The following KRAS variants were observed in gnomAD, a reference collection of about 807,000 sequenced individuals.
The protein encoded by KRAS is KRas proto-oncogene, GTPase.
Under a neutral mutation model 21.0 loss-of-function variants are expected in KRAS, and 1 was observed. The observed-to-expected ratio is 0.05, with a 90% confidence interval of 0.02 to 0.23. KRAS has a LOEUF of 0.23. Ranked by LOEUF, KRAS falls within the 10% of genes least tolerant of loss-of-function variation. The pLI is 1.00. For synonymous variants in KRAS, 67 were observed against 72.5 expected (o/e 0.92, Z 0.39); for missense variants, 107 against 221.8 (o/e 0.48, Z 3.29).
At chr12:25,248,365 G>A (rs1478480907) in intron 1 of KRAS, among the ~76,000 whole-genome samples, 1 of 152,084 alleles carries the variant, frequency 6.6e-6, no homozygotes, top group Non-Finnish European at 1.5e-5. Flanking sequence ...CGGGAGAATC[G>A]CTTGAGCCTG....
chr12:25,225,331 T>A, intron 4 of KRAS: 1 of 143,426 alleles, frequency 7.0e-6, no homozygotes, highest in Non-Finnish European at 1.4e-5. Flanking sequence ...TATATATATA[T>A]ATATGTAACC....
At chr12:25,231,453 T>C (rs1317886017) in intron 2 of KRAS, among the ~76,000 whole-genome samples, 2 of 152,164 alleles carry the variant, frequency 1.3e-5, no homozygotes, top group Non-Finnish European at 2.9e-5. Context: ...AATCCAAAAA[T>C]ACTTCTAGGT....
chr12:25,228,378 C>T (rs1439265830), intron 2 of KRAS, among the ~76,000 whole-genome samples: 2 of 149,788 alleles, frequency 1.3e-5, no homozygotes, highest in Non-Finnish European at 3.0e-5. Context: ...ATTCCAAAAT[C>T]CAAAAAAAAA....
At chr12:25,247,071 AGTT>A (rs1192158578) in intron 1 of KRAS, among the ~76,000 whole-genome samples, 3 of 152,204 alleles carry the variant, frequency 2.0e-5, no homozygotes, top group Admixed American at 6.5e-5. Flanking sequence ...TTTTTTAGTT[AGTT>A]GTTTCAAATT....
intron 4 of KRAS, among the ~76,000 whole-genome samples, chr12:25,214,799 G>C (rs1033554995): frequency 2.6e-5 from 4 of 152,180 alleles, no homozygotes; most frequent in Non-Finnish European, 5.9e-5. Context: ...ATAGGGGCCT[G>C]AACTAATGAT....
chr12:25,232,426 ATAT>A (rs1305626287), intron 2 of KRAS, among the ~76,000 whole-genome samples: 2 of 152,162 alleles, frequency 1.3e-5, no homozygotes, highest in East Asian at 1.9e-4. Context: ...TTCTCAACAA[ATAT>A]TATTTATTCT....
chr12:25,219,901 A>AG (rs1951300676), intron 4 of KRAS, among the ~76,000 whole-genome samples: 1 of 150,324 alleles, frequency 6.7e-6, no homozygotes, highest in Non-Finnish European at 1.5e-5. Flanking sequence ...AGCATTCTTT[A>AG]ACGGGGTTCT....
intron 4 of KRAS, among the ~76,000 whole-genome samples, chr12:25,222,247 G>C (rs1016108316): frequency 1.1e-4 from 17 of 151,860 alleles, no homozygotes; most frequent in African/African-American, 4.1e-4. Flanking sequence ...CAGAAAGGAG[G>C]ACTTGACATT....
chr12:25,228,137 G>A (rs1182168943), intron 2 of KRAS, among the ~76,000 whole-genome samples: 1 of 148,558 alleles, frequency 6.7e-6, no homozygotes, highest in East Asian at 2.0e-4. Context: ...AAAAGGAAAT[G>A]CTCACTGGAG....
chr12:25,211,734 A>G (rs1285304866), intron 4 of KRAS, among the ~76,000 whole-genome samples: 1 of 152,222 alleles, frequency 6.6e-6, no homozygotes, highest in East Asian at 1.9e-4. Flanking sequence ...AGCGTGACCA[A>G]TATTTTAAGA....
chr12:25,209,772 T>A lies in KRAS; in HGVS notation c.*23A>T, dbSNP rs769253116. 3.7e-6 allele frequency: 6 copies of A among 1,605,664 alleles called. No individual in the cohort carries two copies. Among genetic ancestry groups the A allele is most frequent in the Non-Finnish European group, 5.1e-6 (6 of 1,174,360 alleles). ...AATTACCACTTGTACTAGTATGCCT[T>A]AAGAAAAAAGTACAAATTGTATTTA... On this transcript the variant is annotated 3_prime_UTR_variant, in exon 5 of 5. Coordinates refer to ENST00000311936, the MANE Select transcript of KRAS (RefSeq NM_004985.5).
At chr12:25,238,331 T>C (rs965224490) in intron 2 of KRAS, among the ~76,000 whole-genome samples, 1 of 152,174 alleles carries the variant, frequency 6.6e-6, no homozygotes, top group Non-Finnish European at 1.5e-5. Context: ...AAGTGATCAC[T>C]TGAAGTCCAG....
chr12:25,235,339 T>C, intron 2 of KRAS: 1 of 405,702 alleles, frequency 2.5e-6, no homozygotes, highest in Non-Finnish European at 4.5e-6. Context: ...ACTTTCCGTT[T>C]ATAAGCCATC....
At chr12:25,228,782 T>C (rs1951426750) in intron 2 of KRAS, among the ~76,000 whole-genome samples, 3 of 152,218 alleles carry the variant, frequency 2.0e-5, no homozygotes, top group African/African-American at 7.2e-5. Context: ...TACCATGGTC[T>C]AGGCGCGGTG....
At chr12:25,213,829 G>A (rs1057057301) in intron 4 of KRAS, among the ~76,000 whole-genome samples, 2 of 152,180 alleles carry the variant, frequency 1.3e-5, no homozygotes, top group Non-Finnish European at 2.9e-5. Flanking sequence ...ACCTAGTGAA[G>A]TATTTTCTGA....
In KRAS at chr12:25,207,421, C is replaced by T. The variant is rs1433106056; in HGVS notation, c.*2374G>A. 2.1e-5 allele frequency: 4 copies of T among 187,590 alleles called. No homozygotes were observed. Among genetic ancestry groups the T allele is most frequent in the East Asian group, 1.7e-4 (2 of 11,582 alleles). 11.6% of individuals were successfully genotyped at this position (187,590 alleles called of 1,614,324 possible). ...CCCAGCTACTCAGGAGGCCGAGGCA[C>T]GAGAATCGCTTGAACCTGGGAGATG... is the stretch of plus-strand genomic sequence containing the variant. On this transcript the variant is annotated 3_prime_UTR_variant, in exon 5 of 5. Coordinates refer to ENST00000311936, the MANE Select transcript of KRAS (RefSeq NM_004985.5).
chr12:25,209,439 T>C lies in KRAS; in HGVS notation c.*356A>G, dbSNP rs576441223. 8 of 1,078,226 alleles carry C rather than the reference T, an allele frequency of 7.4e-6. No individual in the cohort carries two copies. In the South Asian group the frequency reaches 1.6e-4, roughly 21 times the overall value. The allele number at this position is 1,078,226 out of a possible 1,614,324, so 66.8% of individuals were successfully genotyped here. On this transcript the variant is annotated 3_prime_UTR_variant, in exon 5 of 5. Coordinates refer to ENST00000311936, the MANE Select transcript of KRAS (RefSeq NM_004985.5). ...TTATGTGACTAGATAAAACACAGAA[T>C]AGGGATGATTCAAAAGCTTCATTAA...
At position 25,225,428 on chromosome 12, in the gene KRAS, C is replaced by A; in HGVS notation, c.450+186G>T. ...AGAAATTTTCAATGTAGAAAGAAAC[C>A]AAAGCCAAAAGCAGTACCATGGACA... On this transcript the variant is annotated intron_variant, in intron 4 of 4. Transcript: ENST00000311936. The A allele has an allele frequency of 3.7e-6, 2 of 534,516 alleles. 1 individual carries two copies. Among genetic ancestry groups the A allele is most frequent in the South Asian group, 4.9e-5 (2 of 40,868 alleles). 33.1% of individuals were successfully genotyped at this position (534,516 alleles called of 1,614,324 possible). A position where few individuals can be genotyped will look rare whatever the true frequency, so the allele number is the denominator to read the frequency against.
At chr12:25,235,148 G>A (rs1046186284) in intron 2 of KRAS, 20 of 478,322 alleles carry the variant, frequency 4.2e-5, no homozygotes, top group African/African-American at 7.8e-5. Context: ...TGTATTACTC[G>A]GGGATTTCCT....
Sources: allele counts gnomAD v4.1 joint callset (sites outside exome capture counted in the v4.1 genomes callset), GRCh38; gene constraint gnomAD v4.1.1; transcripts MANE v1.5; gene names NCBI Gene and HGNC (gene_info 2026-07-23, HGNC 2026-07-21).